LMO2: variants seen among roughly 807,000 people sequenced by gnomAD.
The protein encoded by LMO2 is LIM domain only 2, also known as rhombotin-2.
A neutral mutation model predicts 23.2 loss-of-function variants in LMO2; 20 were observed. That is an observed-to-expected ratio of 0.86 (90% CI 0.61 to 1.25). The LOEUF (loss-of-function observed/expected upper bound fraction) is 1.25. Among genes scored for constraint, LMO2 ranks in the 50% most tolerant of loss-of-function variants. LMO2 has a pLI of 0.00. For missense variants in LMO2, 270 were observed against 315.3 expected (o/e 0.86, Z 1.09); for synonymous variants, 123 against 130.2 (o/e 0.94, Z 0.38).
At position 33,864,548 on chromosome 11, in the gene LMO2, C is replaced by T; in HGVS notation, c.464+54G>A. 1.3e-6 allele frequency: 2 copies of T among 1,483,448 alleles called. No individual in the cohort carries two copies. The highest frequency in any genetic ancestry group is 9.2e-7 in the Non-Finnish European group (1 of 1,081,212). 91.9% of individuals were successfully genotyped at this position (1,483,448 alleles called of 1,614,324 possible). On this transcript the variant is annotated intron_variant, in intron 5 of 5. Transcript: ENST00000257818. The surrounding 1 kb of genome is among the most constrained non-coding windows in gnomAD (Gnocchi z 4.8). ...GCAACACACACCGACTGCAGATGTC[C>T]ATGGACCACCCAGCCTCCCTTCCGA...
intron 5 of LMO2, among the ~76,000 whole-genome samples, chr11:33,860,896 G>C (rs1182742337): frequency 6.6e-6 from 1 of 152,210 alleles, no homozygotes; most frequent in Admixed American, 6.5e-5. Flanking sequence ...ACTTCCGGGG[G>C]ACTGGTTGCA....
intron 2 of LMO2, among the ~76,000 whole-genome samples, chr11:33,879,523 G>T (rs1305420304): frequency 6.6e-6 from 1 of 151,808 alleles, no homozygotes; most frequent in African/African-American, 2.4e-5. Context: ...AGTTACTCAG[G>T]AGCCTGAGGC....
At position 33,858,943 on chromosome 11, in the gene LMO2, A is replaced by G. The variant is rs1311583592; in HGVS notation, c.*413T>C. On this transcript the variant is annotated 3_prime_UTR_variant, in exon 6 of 6. Coordinates refer to ENST00000257818, the MANE Select transcript of LMO2 (RefSeq NM_005574.4). ...GGACAGTGATTGAAACAGGGGAGTTAAAAAGCCAGGAAGAAAAGAAATCAA... is the reference window on the plus strand; with the variant it reads ...GGACAGTGATTGAAACAGGGGAGTTGAAAAGCCAGGAAGAAAAGAAATCAA... 1 of 252,650 alleles carries G rather than the reference A, an allele frequency of 4.0e-6. No homozygotes were observed. The highest frequency in any genetic ancestry group is 2.2e-5 in the African/African-American group (1 of 45,814). The allele number at this position is 252,650 out of a possible 1,614,324, so 15.7% of individuals were successfully genotyped here.
intron 2 of LMO2, among the ~76,000 whole-genome samples, chr11:33,875,608 C>G (rs1265591320): frequency 6.6e-6 from 1 of 150,622 alleles, no homozygotes; most frequent in Non-Finnish European, 1.5e-5. Flanking sequence ...GTTTGAGCAC[C>G]CATTGATAAT....
At position 33,864,902 on chromosome 11, in the gene LMO2, G is replaced by T; in HGVS notation, c.249-85C>A. 2 of 1,206,426 alleles carry T rather than the reference G, an allele frequency of 1.7e-6. No homozygotes were observed. Among genetic ancestry groups the T allele is most frequent in the Non-Finnish European group, 2.4e-6 (2 of 823,454 alleles). The allele number at this position is 1,206,426 out of a possible 1,614,324, so 74.7% of individuals were successfully genotyped here. On this transcript the variant is annotated intron_variant, in intron 4 of 5. Transcript: ENST00000257818. The surrounding 1 kb of genome is among the most constrained non-coding windows in gnomAD (Gnocchi z 4.8). ...CCGAGATCGTTTTGGGCCAGACAGG[G>T]CATCTCACCTGACTGCCTTTCAGTG...
At chr11:33,861,855 C>T (rs982199184) in intron 5 of LMO2, among the ~76,000 whole-genome samples, 3 of 152,118 alleles carry the variant, frequency 2.0e-5, no homozygotes, top group Non-Finnish European at 2.9e-5. Context: ...CTCTAACTTG[C>T]CAGGTGACCT....
At chr11:33,870,937 A>T (rs1590642527) in intron 2 of LMO2, 1 of 430,136 alleles carries the variant, frequency 2.3e-6, no homozygotes, top group Non-Finnish European at 3.1e-6. Context: ...AGAAAAACTT[A>T]GGCTCTCCTG....
intron 2 of LMO2, among the ~76,000 whole-genome samples, chr11:33,873,618 A>G (rs556469661): frequency 6.6e-5 from 10 of 152,336 alleles, no homozygotes; most frequent in African/African-American, 2.2e-4. Context: ...AAAAGTTGAG[A>G]AAATCTCTAT....
intron 4 of LMO2, among the ~76,000 whole-genome samples, chr11:33,868,059 TG>T (rs1279830750): frequency 3.9e-5 from 6 of 152,196 alleles, no homozygotes; most frequent in Admixed American, 2.0e-4. Flanking sequence ...TTGAAGGAAG[TG>T]GGGGTTTTTG....
At position 33,859,040 on chromosome 11, in the gene LMO2, T is replaced by C; in HGVS notation, c.*316A>G. 2.6e-6 allele frequency: 1 copy of C among 378,908 alleles called. No homozygotes were observed. The highest frequency in any genetic ancestry group is 3.7e-5 in the South Asian group (1 of 27,150). The allele number at this position is 378,908 out of a possible 1,614,324, so 23.5% of individuals were successfully genotyped here. ...CACAACAACTCTCTATCTGTAGATA[T>C]GAAATTCCATCATGATAGCACAGCG... On this transcript the variant is annotated 3_prime_UTR_variant, in exon 6 of 6. Coordinates refer to ENST00000257818, the MANE Select transcript of LMO2 (RefSeq NM_005574.4).
chr11:33,891,046 T>C (rs1320991375), intron 1 of LMO2, among the ~76,000 whole-genome samples: 1 of 152,160 alleles, frequency 6.6e-6, no homozygotes, highest in Non-Finnish European at 1.5e-5. Context: ...AGGGGAGTTA[T>C]GCAAAGTCAA....
At chr11:33,884,188 TC>T (rs1409273295) in intron 1 of LMO2, among the ~76,000 whole-genome samples, 1 of 151,972 alleles carries the variant, frequency 6.6e-6, no homozygotes, top group East Asian at 1.9e-4. Flanking sequence ...CTCCCTGACT[TC>T]TGGGGAGGAG....
intron 5 of LMO2, among the ~76,000 whole-genome samples, chr11:33,862,612 G>GAAA (rs1856625098): frequency 1.9e-3 from 1 of 540 alleles, no homozygotes; most frequent in Admixed American, 0.12. Context: ...TCCTAGGGGT[G>GAAA]AAGAACTCAA....
chr11:33,861,515 G>T (rs542305863), intron 5 of LMO2, among the ~76,000 whole-genome samples: 1 of 152,200 alleles, frequency 6.6e-6, no homozygotes, highest in African/African-American at 2.4e-5. Flanking sequence ...CACCGCCTGG[G>T]AGCAAACTCA....
intron 2 of LMO2, chr11:33,881,043 T>G: frequency 2.7e-6 from 1 of 376,498 alleles, no homozygotes; most frequent in East Asian, 7.2e-5. Context: ...CTTCTAGATA[T>G]CTGCCCTCCT....
chr11:33,859,638 C>T (rs1046839704), intron 5 of LMO2, 63 bp from the exon 6 acceptor site: 35 of 1,494,622 alleles, frequency 2.3e-5, no homozygotes, highest in Non-Finnish European at 2.6e-5. Context: ...AGACAGGGCT[C>T]GGGGATGAGC....
chr11:33,884,646 C>T (rs1272406785), intron 1 of LMO2, among the ~76,000 whole-genome samples: 2 of 152,180 alleles, frequency 1.3e-5, no homozygotes, highest in South Asian at 2.1e-4. Context: ...ACAAGGTCAC[C>T]CCAGGCTACA....
chr11:33,891,322 G>A (rs556268913), intron 1 of LMO2, among the ~76,000 whole-genome samples: 99 of 149,786 alleles, frequency 6.6e-4, no homozygotes, highest in African/African-American at 2.5e-3. Context: ...CCACCTCTTC[G>A]TCATTGCCTA....
At position 33,859,466 on chromosome 11, in the gene LMO2, C is replaced by T. The variant is rs756061131; in HGVS notation, c.574G>A (p.Ala192Thr). 1.4e-5 allele frequency: 23 copies of T among 1,613,810 alleles called. No individual in the cohort carries two copies. Among genetic ancestry groups the T allele is most frequent in the Middle Eastern group, 1.6e-4 (1 of 6,084 alleles). ...KVYHLECFKC[A>T]ACQKHFCVGD... Reference sequence around the variant, plus strand: ...ACACAGAAATGCTTCTGACAGGCGGCGCATTTGAAACATTCCAGGTGATAC... The same window carrying T: ...ACACAGAAATGCTTCTGACAGGCGGTGCATTTGAAACATTCCAGGTGATAC... Residue 192 changes from alanine (A) to threonine (T), a missense_variant, in exon 6 of 6, where the codon GCC (alanine) becomes ACC (threonine). By Grantham distance (58) the Ala-to-Thr change is moderately conservative. Around this residue, in one of 2 missense-constraint regions of LMO2, gnomAD observed 100 missense variants for 153.3 expected, o/e 0.65. Coordinates refer to ENST00000257818, the MANE Select transcript of LMO2 (RefSeq NM_005574.4).
Sources: allele counts gnomAD v4.1 joint callset (sites outside exome capture counted in the v4.1 genomes callset), GRCh38; gene constraint gnomAD v4.1.1; regional missense constraint gnomAD v4.1.1; non-coding constraint Gnocchi (gnomAD v3.1); transcripts MANE v1.5; gene names NCBI Gene and HGNC (gene_info 2026-07-23, HGNC 2026-07-21).